Variants in EPC2 observed in about 807,000 individuals in gnomAD.
EPC2 encodes the protein enhancer of polycomb homolog 2.
Under a neutral mutation model 92.1 loss-of-function variants are expected in EPC2, and 14 were observed. The observed-to-expected ratio is 0.15, with a 90% CI of 0.10 to 0.24. The LOEUF (loss-of-function observed/expected upper bound fraction) is 0.24, where lower values mean the gene tolerates loss of function less well. Ranked by LOEUF, EPC2 falls within the 10% of genes least tolerant of loss-of-function variation. The probability of loss-of-function intolerance (pLI) is 1.00; values close to 1 mark genes in which losing one functional copy is unlikely to be tolerated. For synonymous variants in EPC2, 340 were observed against 334.7 expected, an observed-to-expected ratio of 1.02 and a Z score of -0.17; for missense variants, 755 against 971.5, an observed-to-expected ratio of 0.78 and a Z score of 2.96.
rs369673957 is a variant in EPC2, at chr2:148,715,326, C to T, written c.313+24953C>T. On this transcript the variant is annotated intron_variant, in intron 2 of 13. Transcript: ENST00000258484. ...GGGATTACAGGCGAGAGCCACTGCG[C>T]CCAGCCTCTTCTAGCGTTTTTATAG... Among the ~76,000 whole-genome samples, 6 of 152,242 alleles carry T rather than the reference C, an allele frequency of 3.9e-5. No individual in the cohort carries two copies. The East Asian group carries it at 5.8e-4, about 15-fold the overall frequency.
intron 2 of EPC2, among the ~76,000 whole-genome samples, chr2:148,739,460 T>G: frequency 6.6e-6 from 1 of 152,214 alleles, no homozygotes; most frequent in East Asian, 1.9e-4. Context: ...CTGTGCTTAT[T>G]AGATACTTAC....
At chr2:148,750,876 A>G (rs1254433005) in intron 3 of EPC2, among the ~76,000 whole-genome samples, 1 of 152,156 alleles carries the variant, frequency 6.6e-6, no homozygotes, top group African/African-American at 2.4e-5. Context: ...AAAGTTAAAA[A>G]AGAAGTTGTG....
At chr2:148,676,720 T>TCTTATGTGTA (rs1462640718) in intron 1 of EPC2, among the ~76,000 whole-genome samples, 4 of 152,106 alleles carry the variant, frequency 2.6e-5, no homozygotes, top group Admixed American at 6.5e-5. Flanking sequence ...AAGAGTTCAG[T>TCTTATGTGTA]CTTATGTGTA....
intron 2 of EPC2, among the ~76,000 whole-genome samples, chr2:148,702,963 A>C (rs1681918831): frequency 6.6e-6 from 1 of 152,144 alleles, no homozygotes; most frequent in African/African-American, 2.4e-5. Context: ...AAGTCCTTTG[A>C]CTGCTTGAAG....
At chr2:148,768,233 T>G (rs1253012819) in intron 7 of EPC2, among the ~76,000 whole-genome samples, 1 of 152,084 alleles carries the variant, frequency 6.6e-6, no homozygotes, top group African/African-American at 2.4e-5. Flanking sequence ...AAAGTGAGAG[T>G]GCGAGACAAC....
intron 1 of EPC2, among the ~76,000 whole-genome samples, chr2:148,660,944 TATTA>T (rs1242579513): frequency 3.9e-5 from 6 of 152,194 alleles, no homozygotes; most frequent in Admixed American, 3.3e-4. Context: ...AAGATAAGAT[TATTA>T]ATTGTTTATT....
intron 1 of EPC2, among the ~76,000 whole-genome samples, chr2:148,670,339 CT>C (rs368462404): frequency 0.038 from 5,439 of 142,642 alleles, 125 homozygotes; most frequent in East Asian, 0.12. Context: ...CATGTTAACT[CT>C]TTTTTTTTTT....
chr2:148,744,767 CTG>C (rs946214778), intron 3 of EPC2, among the ~76,000 whole-genome samples: 19 of 151,724 alleles, frequency 1.3e-4, no homozygotes, highest in African/African-American at 3.6e-4. Context: ...TTTGGTGTAC[CTG>C]TGTGGTATAT....
intron 2 of EPC2, among the ~76,000 whole-genome samples, chr2:148,705,546 G>A (rs778164803): frequency 6.6e-6 from 1 of 152,200 alleles, no homozygotes; most frequent in Non-Finnish European, 1.5e-5. Context: ...CCTGACCCCT[G>A]TGCAGCCTAA....
At chr2:148,687,277 A>G (rs541368124) in intron 1 of EPC2, among the ~76,000 whole-genome samples, 7 of 152,258 alleles carry the variant, frequency 4.6e-5, no homozygotes, top group African/African-American at 1.7e-4. Context: ...CTTGCCCTGG[A>G]TTAGGCTTTG....
At chr2:148,659,049 A>G (rs529475802) in intron 1 of EPC2, among the ~76,000 whole-genome samples, 12 of 152,192 alleles carry the variant, frequency 7.9e-5, no homozygotes, top group South Asian at 4.1e-4. Context: ...AGACAAAACT[A>G]GTTATGAGTT....
intron 1 of EPC2, among the ~76,000 whole-genome samples, chr2:148,663,712 G>T (rs956757450): frequency 1.4e-5 from 2 of 144,058 alleles, no homozygotes; most frequent in Admixed American, 1.5e-4. Flanking sequence ...TGACACCAGG[G>T]ACCAGTTTTG....
intron 1 of EPC2, among the ~76,000 whole-genome samples, chr2:148,682,649 G>A (rs1019877001): frequency 2.6e-5 from 4 of 151,844 alleles, no homozygotes; most frequent in African/African-American, 9.7e-5. Flanking sequence ...TTTCTACAAG[G>A]GCCTTCTCTT....
At chr2:148,726,841 A>C (rs1682509944) in intron 2 of EPC2, among the ~76,000 whole-genome samples, 1 of 142,884 alleles carries the variant, frequency 7.0e-6, no homozygotes, top group South Asian at 2.2e-4. Flanking sequence ...TTGTTTATCC[A>C]CTACATGGTT....
intron 2 of EPC2, among the ~76,000 whole-genome samples, chr2:148,735,094 T>C (rs1189272247): frequency 6.6e-6 from 1 of 152,100 alleles, no homozygotes; most frequent in Non-Finnish European, 1.5e-5. Flanking sequence ...CTTATATGAA[T>C]ATAATGTTAT....
At chr2:148,664,276 A>T (rs1681014821) in intron 1 of EPC2, among the ~76,000 whole-genome samples, 1 of 152,236 alleles carries the variant, frequency 6.6e-6, no homozygotes, top group South Asian at 2.1e-4. Flanking sequence ...AGGTGGGTGG[A>T]TTGCTCGAGT....
At chr2:148,676,142 A>T (rs1318209844) in intron 1 of EPC2, among the ~76,000 whole-genome samples, 2 of 151,538 alleles carry the variant, frequency 1.3e-5, no homozygotes, top group Admixed American at 6.6e-5. Context: ...TTTTTTTTTA[A>T]AGTCTGCTTT....
At chr2:148,698,788 C>T (rs1411876879) in intron 2 of EPC2, among the ~76,000 whole-genome samples, 1 of 126,440 alleles carries the variant, frequency 7.9e-6, no homozygotes, top group East Asian at 2.4e-4. Context: ...AATTCTGTCT[C>T]TCCAAGATAA....
chr2:148,730,400 C>G lies in EPC2; in HGVS notation c.314-13222C>G, dbSNP rs553479061. Among the ~76,000 whole-genome samples the G allele has an allele frequency of 2.6e-5, 4 of 152,310 alleles. No homozygotes were observed. The South Asian group carries it at 8.3e-4, about 32-fold the overall frequency. On this transcript the variant is annotated intron_variant, in intron 2 of 13. Transcript: ENST00000258484. Reference sequence around the variant, plus strand: ...TAAAGGTTTACAGATTTTTAAAGTTCAGTGTATTTCACAGTTACCACAAGT... The same window carrying G: ...TAAAGGTTTACAGATTTTTAAAGTTGAGTGTATTTCACAGTTACCACAAGT...
Sources: gnomAD v4.1 joint callset for allele counts (sites outside exome capture counted in the v4.1 genomes callset) on GRCh38, gnomAD v4.1.1 for gene constraint, MANE v1.5 for transcripts, NCBI Gene and HGNC (gene_info 2026-07-23, HGNC 2026-07-21) for gene names.